The following MMP16 variants were observed in gnomAD, a reference collection of about 807,000 sequenced individuals.
The protein encoded by MMP16 is matrix metallopeptidase 16, also known as matrix metalloproteinase-16.
MMP16 carries 12 observed loss-of-function variants against 67.8 expected under a neutral mutation model. The observed-to-expected ratio is 0.18, with a 90% confidence interval of 0.11 to 0.29. The LOEUF (loss-of-function observed/expected upper bound fraction) is 0.29. MMP16 is among the 10% of genes least tolerant of loss of function. The pLI is 1.00. For synonymous variants in MMP16, 249 were observed against 255.9 expected, an observed-to-expected ratio of 0.97 and a Z score of 0.26; for missense variants, 475 against 765.7, an observed-to-expected ratio of 0.62 and a Z score of 4.48.
At position 88,327,101 on chromosome 8, in the gene MMP16, C is replaced by T. The variant is rs201235027; in HGVS notation, c.106G>A (p.Gly36Arg). 10 of 1,613,842 alleles carry T rather than the reference C, an allele frequency of 6.2e-6. No individual in the cohort carries two copies. Among genetic ancestry groups the T allele is most frequent in the Admixed American group, 1.7e-5 (1 of 59,990 alleles). Reference sequence around the variant, plus strand: ...TCCACATTGAAATACTGCTCCGTTCCGCAGACTGTAGCACATAAAATCCAA... The same window carrying T: ...TCCACATTGAAATACTGCTCCGTTCTGCAGACTGTAGCACATAAAATCCAA... ...LLWILCATVCGTEQYFNVEVW... is the reference protein window; with the variant it reads ...LLWILCATVCRTEQYFNVEVW... Residue 36 changes from glycine to arginine, a missense_variant, in exon 1 of 10, where the codon GGA becomes AGA. By Grantham distance (125) the Gly-to-Arg change is moderately radical. Around this residue, in one of 5 missense-constraint regions of MMP16, gnomAD observed 170 missense variants for 239.6 expected, o/e 0.71. Transcript: ENST00000286614.
intron 1 of MMP16, among the ~76,000 whole-genome samples, chr8:88,264,068 A>AGTGT (rs71277993): frequency 7.8e-5 from 11 of 141,328 alleles, no homozygotes; most frequent in South Asian, 6.9e-4. Flanking sequence ...GGAGAGAGAG[A>AGTGT]GTGTGTGTGT....
chr8:88,105,349 GT>G (rs1809219486), intron 6 of MMP16, among the ~76,000 whole-genome samples: 1 of 151,348 alleles, frequency 6.6e-6, no homozygotes, highest in Non-Finnish European at 1.5e-5. Flanking sequence ...TATGGGGTTA[GT>G]AATTGGAAAA....
intron 4 of MMP16, among the ~76,000 whole-genome samples, chr8:88,119,139 GAA>G (rs1322687236): frequency 1.3e-5 from 2 of 151,992 alleles, no homozygotes; most frequent in African/African-American, 4.8e-5. Context: ...AGCAGCATTG[GAA>G]ACTGATAGTA....
chr8:88,149,529 GCCT>G, intron 4 of MMP16, among the ~76,000 whole-genome samples: 1 of 152,298 alleles, frequency 6.6e-6, no homozygotes, highest in East Asian at 1.9e-4. Context: ...CGGGGGGACT[GCCT>G]CCTCAAGTGG....
chr8:88,175,281 C>G (rs1440266917), intron 3 of MMP16, among the ~76,000 whole-genome samples: 1 of 152,124 alleles, frequency 6.6e-6, no homozygotes, highest in Non-Finnish European at 1.5e-5. Context: ...AACCTAGATT[C>G]CACCACTCTC....
chr8:88,057,226 C>A (rs959869842), intron 7 of MMP16, among the ~76,000 whole-genome samples: 8 of 152,028 alleles, frequency 5.3e-5, no homozygotes, highest in Non-Finnish European at 8.8e-5. Flanking sequence ...CCTTTCTGGG[C>A]TTATTGTATT....
At chr8:88,214,499 T>G (rs1809558485) in intron 1 of MMP16, among the ~76,000 whole-genome samples, 1 of 152,312 alleles carries the variant, frequency 6.6e-6, no homozygotes, top group Non-Finnish European at 1.5e-5. Context: ...TTAGTTTTTT[T>G]TCATTATATT....
At chr8:88,280,969 C>T (rs904613564) in intron 1 of MMP16, among the ~76,000 whole-genome samples, 2 of 152,104 alleles carry the variant, frequency 1.3e-5, no homozygotes, top group Non-Finnish European at 2.9e-5. Flanking sequence ...CAGTACATTG[C>T]TATTAGCTTT....
intron 1 of MMP16, among the ~76,000 whole-genome samples, chr8:88,271,503 T>C (rs1915020): frequency 0.78 from 119,010 of 152,082 alleles, 47,156 homozygotes; most frequent in East Asian, 0.99. Context: ...TATTTATTTA[T>C]TTATTTCTGA....
rs28715922 is a variant in MMP16 at position 88,034,329 on chromosome 8, C to T, written c.*7132G>A. On this transcript the variant is annotated 3_prime_UTR_variant, in exon 10 of 10. Coordinates refer to ENST00000286614, the MANE Select transcript of MMP16 (RefSeq NM_005941.5). ...GACAACTCAATAAGATGTATCTTTCCCAACCATCTGTATTTTTGGGTGAGA... is the reference window on the plus strand; with the variant it reads ...GACAACTCAATAAGATGTATCTTTCTCAACCATCTGTATTTTTGGGTGAGA... 18,005 of 151,934 alleles carry T rather than the reference C, an allele frequency of 0.12. 1,167 individuals carry two copies. The highest frequency in any genetic ancestry group is 0.13 in the African/African-American group (5,423 of 41,328). The allele number at this position is 151,934 out of a possible 1,614,324, so 9.4% of individuals were successfully genotyped here. A position where few individuals can be genotyped will look rare whatever the true frequency, so the allele number is the denominator to read the frequency against.
At chr8:88,297,662 T>C (rs1811033918) in intron 1 of MMP16, among the ~76,000 whole-genome samples, 1 of 152,194 alleles carries the variant, frequency 6.6e-6, no homozygotes, top group South Asian at 2.1e-4. Context: ...TGCAGTAGTA[T>C]CACAAGTGTG....
chr8:88,093,468 A>G (rs1191006025), intron 6 of MMP16, among the ~76,000 whole-genome samples: 1 of 151,758 alleles, frequency 6.6e-6, no homozygotes, highest in Non-Finnish European at 1.5e-5. Context: ...AGCCTGGTCC[A>G]TAAACCTAAA....
chr8:88,163,257 T>C (rs941112692), intron 4 of MMP16, among the ~76,000 whole-genome samples: 11 of 152,096 alleles, frequency 7.2e-5, no homozygotes, highest in African/African-American at 2.7e-4. Flanking sequence ...CACATTTAAC[T>C]TAAATTAGGT....
intron 7 of MMP16, among the ~76,000 whole-genome samples, chr8:88,064,849 C>T (rs1247070220): frequency 6.6e-6 from 1 of 152,060 alleles, no homozygotes; most frequent in Non-Finnish European, 1.5e-5. Context: ...CCAGATTCCA[C>T]AATATTATCT....
chr8:88,231,330 A>G (rs1809856224), intron 1 of MMP16, among the ~76,000 whole-genome samples: 1 of 152,202 alleles, frequency 6.6e-6, no homozygotes, highest in Admixed American at 6.5e-5. Flanking sequence ...TCTTTATTCA[A>G]TAGATTTCTA....
chr8:88,213,709 G>A (rs1207884911), intron 1 of MMP16, among the ~76,000 whole-genome samples: 1 of 152,078 alleles, frequency 6.6e-6, no homozygotes, highest in East Asian at 1.9e-4. Context: ...TGAGCCTATG[G>A]CCCTGAGGCT....
rs538857784 is a variant in MMP16, at chr8:88,127,753, G to A, written c.710-8892C>T. Among the ~76,000 whole-genome samples the A allele has an allele frequency of 1.2e-4, 18 of 151,814 alleles. 1 individual carries two copies. In the South Asian group the frequency reaches 1.5e-3, roughly 12 times the overall value. ...ATTGGCTTTTCTCTGCAAATCTTGCGCTTAAATGAATAATGAATAATTAGC... is the reference window on the plus strand; with the variant it reads ...ATTGGCTTTTCTCTGCAAATCTTGCACTTAAATGAATAATGAATAATTAGC... On this transcript the variant is annotated intron_variant, in intron 4 of 9. Transcript: ENST00000286614.
chr8:88,051,250 C>A (rs1295970022), intron 8 of MMP16, among the ~76,000 whole-genome samples: 1 of 152,038 alleles, frequency 6.6e-6, no homozygotes, highest in Non-Finnish European at 1.5e-5. Flanking sequence ...AAATCTCATC[C>A]CACTGAGTTC....
At chr8:88,120,493 G>A (rs1563537730) in intron 4 of MMP16, among the ~76,000 whole-genome samples, 1 of 151,828 alleles carries the variant, frequency 6.6e-6, no homozygotes, top group Non-Finnish European at 1.5e-5. Flanking sequence ...GGATAGCTTC[G>A]GAGCATGCCC....
Sources: gnomAD v4.1 joint callset for allele counts (sites outside exome capture counted in the v4.1 genomes callset) on GRCh38, gnomAD v4.1.1 for gene constraint, gnomAD v4.1.1 regional missense constraint, MANE v1.5 for transcripts, NCBI Gene and HGNC (gene_info 2026-07-23, HGNC 2026-07-21) for gene names.